DGKB: variants seen among roughly 807,000 people sequenced by gnomAD.
The protein encoded by DGKB is diacylglycerol kinase beta.
Under a neutral mutation model 114.3 loss-of-function variants are expected in DGKB, and 67 were observed. That is an observed-to-expected ratio of 0.59 (90% CI 0.48 to 0.72). The LOEUF (loss-of-function observed/expected upper bound fraction) is 0.72, where lower values mean the gene tolerates loss of function less well. Among genes scored for constraint, DGKB ranks in the 30% least tolerant of loss-of-function variants. The probability of loss-of-function intolerance (pLI) is 0.00; values close to 1 mark genes in which losing one functional copy is unlikely to be tolerated. For missense variants in DGKB, 907 were observed against 975.2 expected, an observed-to-expected ratio of 0.93 and a Z score of 0.93; for synonymous variants, 398 against 323.1, an observed-to-expected ratio of 1.23 and a Z score of -2.49.
intron 6 of DGKB, among the ~76,000 whole-genome samples, chr7:14,715,684 G>A (rs911439046): frequency 6.6e-4 from 101 of 152,138 alleles, no homozygotes; most frequent in Admixed American, 3.2e-3. Flanking sequence ...TATATGGTAA[G>A]TCCTCAATAT....
At chr7:14,896,275 G>T (rs539792215) in intron 1 of DGKB, among the ~76,000 whole-genome samples, 5 of 151,766 alleles carry the variant, frequency 3.3e-5, no homozygotes, top group African/African-American at 1.2e-4. Context: ...TTTAGGTAAG[G>T]GAAAGGGAGT....
intron 15 of DGKB, among the ~76,000 whole-genome samples, chr7:14,617,861 C>T (rs951743805): frequency 6.6e-6 from 1 of 151,604 alleles, no homozygotes; most frequent in Non-Finnish European, 1.5e-5. Context: ...ATTAATGGGG[C>T]CTAAACTAGC....
intron 2 of DGKB, among the ~76,000 whole-genome samples, chr7:14,773,623 A>AG (rs1837732726): frequency 6.6e-6 from 1 of 152,082 alleles, no homozygotes; most frequent in African/African-American, 2.4e-5. Context: ...GCTCTAAATA[A>AG]GGGGTTCTAT....
chr7:14,291,024 C>T (rs938928954), intron 23 of DGKB, among the ~76,000 whole-genome samples: 3 of 151,704 alleles, frequency 2.0e-5, no homozygotes, highest in African/African-American at 7.3e-5. Context: ...CGCCTGTAAT[C>T]CCAGCTACTT....
At chr7:14,201,512 T>G (rs1310907617) in intron 23 of DGKB, among the ~76,000 whole-genome samples, 1 of 151,940 alleles carries the variant, frequency 6.6e-6, no homozygotes, top group African/African-American at 2.4e-5. Context: ...GAGGTAGAAC[T>G]GACAGCATTA....
At chr7:14,892,860 A>ATGTG (rs374264568) in intron 1 of DGKB, among the ~76,000 whole-genome samples, 2,094 of 64,350 alleles carry the variant, frequency 0.033, 25 homozygotes, top group South Asian at 0.053. Flanking sequence ...TACCATATAT[A>ATGTG]TATATGTGTG....
At chr7:14,548,774 G>T (rs777729107) in intron 20 of DGKB, among the ~76,000 whole-genome samples, 3 of 152,048 alleles carry the variant, frequency 2.0e-5, no homozygotes, top group African/African-American at 7.3e-5. Context: ...GCAATTAGGA[G>T]GCACGGTGAT....
intron 23 of DGKB, among the ~76,000 whole-genome samples, chr7:14,183,923 G>A (rs1049988634): frequency 1.3e-5 from 2 of 152,170 alleles, no homozygotes; most frequent in Non-Finnish European, 2.9e-5. Flanking sequence ...TGACGGAAGT[G>A]GACTGCTCCT....
At chr7:14,636,969 T>C (rs966066983) in intron 13 of DGKB, among the ~76,000 whole-genome samples, 5 of 151,886 alleles carry the variant, frequency 3.3e-5, no homozygotes, top group African/African-American at 4.8e-5. Flanking sequence ...TAATACATCA[T>C]ACCACACATT....
chr7:14,445,668 A>T (rs1442248346), intron 21 of DGKB, among the ~76,000 whole-genome samples: 1 of 152,048 alleles, frequency 6.6e-6, no homozygotes, highest in Non-Finnish European at 1.5e-5. Context: ...GAACTGCTCA[A>T]TAATGATTAC....
intron 23 of DGKB, among the ~76,000 whole-genome samples, chr7:14,277,171 G>T (rs1250234852): frequency 3.3e-5 from 3 of 92,052 alleles, no homozygotes; most frequent in Non-Finnish European, 7.4e-5. Context: ...AATTTTCTTA[G>T]TTTATTTTAT....
At position 14,146,864 on chromosome 7, in the gene DGKB, A is replaced by C. The variant is rs914933523; in HGVS notation, c.*2267T>G. On this transcript the variant is annotated 3_prime_UTR_variant, in exon 26 of 26. Transcript: ENST00000402815. ...ATTATTTCAATCATTGAAATCTTAT[A>C]AGCAGGTTGTTTAATTTGTCTCATC... 2 of 152,138 alleles carry C rather than the reference A, an allele frequency of 1.3e-5. No homozygotes were observed. The highest frequency in any genetic ancestry group is 2.9e-5 in the Non-Finnish European group (2 of 67,992). 9.4% of individuals were successfully genotyped at this position (152,138 alleles called of 1,614,324 possible).
intron 2 of DGKB, among the ~76,000 whole-genome samples, chr7:14,802,854 C>T (rs1842349517): frequency 6.6e-6 from 1 of 152,016 alleles, no homozygotes; most frequent in African/African-American, 2.4e-5. Context: ...ACGTTTACTG[C>T]ATATTTATAT....
At chr7:14,661,768 C>T (rs1480127457) in intron 13 of DGKB, among the ~76,000 whole-genome samples, 15 of 151,762 alleles carry the variant, frequency 9.9e-5, no homozygotes, top group South Asian at 2.1e-4. Flanking sequence ...ATGTTTATTG[C>T]GGCATTATTC....
chr7:14,848,361 C>G (rs1045763164), intron 1 of DGKB, among the ~76,000 whole-genome samples: 1 of 152,108 alleles, frequency 6.6e-6, no homozygotes, highest in Non-Finnish European at 1.5e-5. Flanking sequence ...TTTCCAAATA[C>G]TAGAATAGAA....
rs1781728104 is a variant in DGKB, at chr7:14,148,513, TC to T, written c.*617del. The T allele has an allele frequency of 6.6e-6, 1 of 152,614 alleles. No homozygotes were observed. The highest frequency in any genetic ancestry group is 6.6e-5 in the Admixed American group (1 of 15,254). The allele number at this position is 152,614 out of a possible 1,614,324, so 9.5% of individuals were successfully genotyped here. A position where few individuals can be genotyped will look rare whatever the true frequency, so the allele number is the denominator to read the frequency against. On this transcript the variant is annotated 3_prime_UTR_variant, in exon 26 of 26. Coordinates refer to ENST00000402815, the MANE Select transcript of DGKB (RefSeq NM_001350709.2). ...AAACTAAGCAAAATAAAAACCGCGT[TC>T]TATTTTTCAGCATGAGAAAACCTTA...
chr7:14,668,348 G>A (rs540947062), intron 13 of DGKB, among the ~76,000 whole-genome samples: 1 of 152,168 alleles, frequency 6.6e-6, no homozygotes, highest in African/African-American at 2.4e-5. Context: ...TGGGAAAGTT[G>A]GGGTGTGAAG....
At chr7:14,969,631 G>A (rs924995871) in intron 1 of DGKB, among the ~76,000 whole-genome samples, 1 of 152,102 alleles carries the variant, frequency 6.6e-6, no homozygotes, top group Non-Finnish European at 1.5e-5. Flanking sequence ...AGGGATCTAC[G>A]TTGTGTGCTC....
chr7:14,694,483 T>C (rs1041095159), intron 8 of DGKB, among the ~76,000 whole-genome samples: 26 of 152,316 alleles, frequency 1.7e-4, no homozygotes, highest in African/African-American at 6.3e-4. Context: ...GTGAAAGTGG[T>C]CTTTAATTAC....
Sources: gnomAD v4.1 joint callset for allele counts (sites outside exome capture counted in the v4.1 genomes callset) on GRCh38, gnomAD v4.1.1 for gene constraint, MANE v1.5 for transcripts, NCBI Gene and HGNC (gene_info 2026-07-23, HGNC 2026-07-21) for gene names.